The following SLC39A14 variants were observed in gnomAD, a reference collection of about 807,000 sequenced individuals.
The protein encoded by SLC39A14 is solute carrier family 39 member 14.
SLC39A14 carries 19 observed loss-of-function variants against 45.5 expected under a neutral mutation model. The observed-to-expected ratio is 0.42, with a 90% CI of 0.29 to 0.61. The LOEUF (loss-of-function observed/expected upper bound fraction) is 0.61. Ranked by LOEUF, SLC39A14 falls within the 20% of genes least tolerant of loss-of-function variation. The pLI is 0.22. For synonymous variants in SLC39A14, 264 were observed against 251.3 expected, an observed-to-expected ratio of 1.05 and a Z score of -0.48; for missense variants, 447 against 616.5, an observed-to-expected ratio of 0.73 and a Z score of 2.91.
At chr8:22,405,078 C>A in intron 2 of SLC39A14, 98 bp downstream of exon 2, 2 of 1,143,948 alleles carry the variant, frequency 1.7e-6, no homozygotes, top group Non-Finnish European at 2.5e-6. Context: ...GGCAGCTTGG[C>A]AGAGGTAGGA....
Position 22,374,813 on chromosome 8 carries a change from C to T in SLC39A14, c.-16+7405C>T, listed in dbSNP as rs1382522603. On this transcript the variant is annotated intron_variant, in intron 1 of 8. Transcript: ENST00000381237. ...CAGGCTAGAGTGCAGTGGGTATGAT[C>T]TCAGCTCACTGAAACCTCCCCTCCT... Among the ~76,000 whole-genome samples, 8 of 139,952 alleles carry T rather than the reference C, an allele frequency of 5.7e-5. 3 individuals carry two copies. Among genetic ancestry groups the T allele is most frequent in the African/African-American group, 2.2e-4 (8 of 36,932 alleles). 91.8% of individuals were successfully genotyped at this position (139,952 alleles called of 152,430 possible). A position where few individuals can be genotyped will look rare whatever the true frequency, so the allele number is the denominator to read the frequency against.
chr8:22,378,855 C>T (rs1833348913), intron 1 of SLC39A14, among the ~76,000 whole-genome samples: 1 of 152,178 alleles, frequency 6.6e-6, no homozygotes, highest in Non-Finnish European at 1.5e-5. Flanking sequence ...TGAACATGAT[C>T]AGGTCTTAAT....
chr8:22,381,801 C>T (rs1046983667), intron 1 of SLC39A14, among the ~76,000 whole-genome samples: 20 of 152,106 alleles, frequency 1.3e-4, no homozygotes, highest in Non-Finnish European at 2.6e-4. Flanking sequence ...TAATATCTTG[C>T]CATATAATAA....
intron 4 of SLC39A14, among the ~76,000 whole-genome samples, chr8:22,414,003 C>T (rs983147192): frequency 2.0e-5 from 3 of 151,884 alleles, no homozygotes; most frequent in African/African-American, 7.3e-5. Flanking sequence ...GGTCTCAAAA[C>T]TCCTGGCCTC....
At chr8:22,402,162 A>C (rs1396976826) in intron 1 of SLC39A14, among the ~76,000 whole-genome samples, 1 of 152,078 alleles carries the variant, frequency 6.6e-6, no homozygotes, top group Admixed American at 6.5e-5. Flanking sequence ...CGTGTGGGTC[A>C]CGAGGTCAGG....
intron 1 of SLC39A14, among the ~76,000 whole-genome samples, chr8:22,391,854 C>A (rs1834095494): frequency 6.6e-6 from 1 of 152,110 alleles, no homozygotes; most frequent in South Asian, 2.1e-4. Context: ...GGGCATGAGC[C>A]ACCGCTCCCG....
rs1223972203 is a variant in SLC39A14, at chr8:22,421,643, A to T, written c.*1945A>T. On this transcript the variant is annotated 3_prime_UTR_variant, in exon 9 of 9. Transcript: ENST00000381237. The stretch of plus-strand genomic sequence containing the variant: ...AAGCTGCTTTCAGGAGCTAGCAGAA[A>T]ATAACTCAAAGTTGAAGACTCTGGA... The T allele has an allele frequency of 1.0e-6, 1 of 985,734 alleles. No homozygotes were observed. The highest frequency in any genetic ancestry group is 6.1e-5 in the Admixed American group (1 of 16,262). 61.1% of individuals were successfully genotyped at this position (985,734 alleles called of 1,614,324 possible).
chr8:22,368,012 C>T (rs1227712259), intron 1 of SLC39A14, among the ~76,000 whole-genome samples: 2 of 152,092 alleles, frequency 1.3e-5, no homozygotes, highest in East Asian at 1.9e-4. Context: ...AGTCGCCATC[C>T]GAGCAGTTTC....
chr8:22,399,428 G>T (rs991867930), intron 1 of SLC39A14, among the ~76,000 whole-genome samples: 3 of 152,230 alleles, frequency 2.0e-5, no homozygotes, highest in Non-Finnish European at 4.4e-5. Context: ...GGACTTAAGT[G>T]TCACTCGCAG....
intron 1 of SLC39A14, among the ~76,000 whole-genome samples, chr8:22,369,706 C>A (rs1241445459): frequency 6.6e-6 from 1 of 152,224 alleles, no homozygotes; most frequent in Non-Finnish European, 1.5e-5. Flanking sequence ...CCCCGTCACT[C>A]TCCAGCAGTG....
chr8:22,431,265 A>G (rs13254683), intron 8 of SLC39A14, among the ~76,000 whole-genome samples: 47,302 of 151,918 alleles, frequency 0.31, 7,597 homozygotes, highest in East Asian at 0.5. Context: ...GGGATTACAG[A>G]CGTGAGCCAC....
intron 2 of SLC39A14, 47 bp downstream of exon 2, chr8:22,405,027 GCCTCTCAGGGTTC>G (rs1183099065): frequency 1.3e-6 from 2 of 1,575,708 alleles, no homozygotes; most frequent in South Asian, 2.3e-5. Context: ...CCCGTCTCTG[GCCTCTCAGGGTTC>G]CCTGTCTAGT....
At chr8:22,375,081 C>T (rs1046637829) in intron 1 of SLC39A14, among the ~76,000 whole-genome samples, 1 of 152,084 alleles carries the variant, frequency 6.6e-6, no homozygotes, top group Non-Finnish European at 1.5e-5. Context: ...CATGGCCCCA[C>T]GTCCATGTCC....
At chr8:22,411,939 G>T (rs1835593156) in intron 3 of SLC39A14, 98 bp from the exon 4 acceptor site, 2 of 1,171,308 alleles carry the variant, frequency 1.7e-6, no homozygotes, top group African/African-American at 1.5e-5. Flanking sequence ...CTCCCTATCT[G>T]CTCCACCTTC....
intron 2 of SLC39A14, among the ~76,000 whole-genome samples, chr8:22,407,733 G>A (rs1045563674): frequency 1.3e-5 from 2 of 150,052 alleles, no homozygotes; most frequent in African/African-American, 5.0e-5. Flanking sequence ...AAGAGACAGG[G>A]TGTTGCTCTG....
intron 8 of SLC39A14, among the ~76,000 whole-genome samples, chr8:22,429,613 A>C (rs1182245679): frequency 2.0e-5 from 3 of 152,210 alleles, no homozygotes; most frequent in Non-Finnish European, 4.4e-5. Context: ...TTTCATTTAT[A>C]ATTGGGAGCA....
intron 4 of SLC39A14, 147 bp downstream of exon 4, chr8:22,412,353 C>A: frequency 1.2e-6 from 1 of 847,050 alleles, no homozygotes; most frequent in Non-Finnish European, 1.8e-6. Flanking sequence ...CTAGGAGAGG[C>A]AGCCCAGCAT....
intron 2 of SLC39A14, among the ~76,000 whole-genome samples, chr8:22,406,521 G>C (rs34313684): frequency 6.6e-6 from 1 of 151,824 alleles, no homozygotes; most frequent in South Asian, 2.1e-4. Flanking sequence ...GTGAAACTCC[G>C]TCTCTGCTAA....
chr8:22,417,798 C>T lies in SLC39A14; in HGVS notation c.1295C>T (p.Ala432Val). The change falls in exon 8 of 9, where the codon GCT becomes GTT. Residue 432 changes from alanine to valine, a missense_variant. By Grantham distance (64) the Ala-to-Val change is moderately conservative. Transcript: ENST00000381237. ...TCTGCCAACTGGATTTTTGCGCTAG[C>T]TGGAGGAATGTTCTTGTATATTTCT... Reference protein sequence around the residue: ...HFSANWIFALAGGMFLYISLA... With the variant: ...HFSANWIFALVGGMFLYISLA... 6.2e-7 allele frequency: 1 copy of T among 1,614,154 alleles called. No individual in the cohort carries two copies. The highest frequency in any genetic ancestry group is 8.5e-7 in the Non-Finnish European group (1 of 1,180,012).
Sources: gnomAD v4.1 joint callset for allele counts (sites outside exome capture counted in the v4.1 genomes callset) on GRCh38, gnomAD v4.1.1 for gene constraint, MANE v1.5 for transcripts, NCBI Gene and HGNC (gene_info 2026-07-23, HGNC 2026-07-21) for gene names.